The following VPS13D variants were observed in gnomAD, a reference collection of about 807,000 sequenced individuals.
The protein encoded by VPS13D is intermembrane lipid transfer protein VPS13D.
In VPS13D, 187 loss-of-function variants were observed where a neutral mutation model predicts 461.9. The observed-to-expected ratio is 0.40, with a 90% CI of 0.36 to 0.46. The LOEUF (loss-of-function observed/expected upper bound fraction) is 0.46, where lower values mean the gene tolerates loss of function less well. VPS13D is among the 20% of genes least tolerant of loss of function. The pLI, the probability that VPS13D is intolerant of heterozygous loss-of-function variation, is 0.60. For synonymous variants in VPS13D, 1,951 were observed against 1,986.3 expected (o/e 0.98, Z 0.47); for missense variants, 4,711 against 5,364.9 (o/e 0.88, Z 3.81).
chr1:12,381,816 C>G (rs1644275185), intron 57 of VPS13D, among the ~76,000 whole-genome samples: 1 of 152,246 alleles, frequency 6.6e-6, no homozygotes, highest in African/African-American at 2.4e-5. Flanking sequence ...TGCTGTGATT[C>G]TGGAGGCTGC....
intron 35 of VPS13D, among the ~76,000 whole-genome samples, chr1:12,326,460 C>A (rs918392853): frequency 1.3e-5 from 2 of 151,470 alleles, no homozygotes; most frequent in Admixed American, 6.6e-5. Flanking sequence ...ACCTAAGCCT[C>A]CTGAGTAGCT....
intron 2 of VPS13D, among the ~76,000 whole-genome samples, chr1:12,239,388 C>A (rs1253103560): frequency 6.6e-6 from 1 of 152,254 alleles, no homozygotes; most frequent in African/African-American, 2.4e-5. Context: ...ATCCTCCTGC[C>A]TTGGCCTCCC....
chr1:12,303,017 C>A (rs944291755), intron 25 of VPS13D, among the ~76,000 whole-genome samples: 2 of 152,026 alleles, frequency 1.3e-5, no homozygotes, highest in Non-Finnish European at 2.9e-5. Context: ...GTGAAGTTCA[C>A]CTCCCCATGC....
intron 55 of VPS13D, among the ~76,000 whole-genome samples, chr1:12,374,352 A>G (rs1314554311): frequency 2.0e-5 from 3 of 152,212 alleles, no homozygotes; most frequent in Non-Finnish European, 4.4e-5. Flanking sequence ...CCAAGTGTAG[A>G]AAGTTTGACA....
intron 68 of VPS13D, chr1:12,500,358 T>A: frequency 2.1e-6 from 1 of 470,736 alleles, no homozygotes; most frequent in Non-Finnish European, 2.8e-6. Context: ...AAGATGATGT[T>A]AAAGTAAAAT....
At chr1:12,343,507 A>T (rs1643613859) in intron 42 of VPS13D, among the ~76,000 whole-genome samples, 1 of 151,956 alleles carries the variant, frequency 6.6e-6, no homozygotes, top group Non-Finnish European at 1.5e-5. Flanking sequence ...TTTAAAAGAT[A>T]TTTCGTAAAT....
chr1:12,238,330 G>A (rs895570193), intron 2 of VPS13D, among the ~76,000 whole-genome samples: 1 of 150,128 alleles, frequency 6.7e-6, no homozygotes, highest in Non-Finnish European at 1.5e-5. Flanking sequence ...CCTGGCTACT[G>A]AGGAGGCTGA....
chr1:12,402,371 T>C (rs999108488), intron 62 of VPS13D, among the ~76,000 whole-genome samples: 2 of 152,204 alleles, frequency 1.3e-5, no homozygotes, highest in East Asian at 3.8e-4. Flanking sequence ...TGGCTGTGTA[T>C]ACAGCTTAGA....
chr1:12,303,131 T>G (rs1273690842), intron 25 of VPS13D, among the ~76,000 whole-genome samples: 1 of 152,258 alleles, frequency 6.6e-6, no homozygotes, highest in East Asian at 1.9e-4. Flanking sequence ...CATTTGCATG[T>G]GTGAGGTTTG....
intron 38 of VPS13D, among the ~76,000 whole-genome samples, chr1:12,335,374 A>G (rs1643426117): frequency 6.6e-6 from 1 of 152,146 alleles, no homozygotes; most frequent in Non-Finnish European, 1.5e-5. Flanking sequence ...GCCTCCATAT[A>G]AATTTTAGAT....
intron 67 of VPS13D, among the ~76,000 whole-genome samples, chr1:12,463,892 A>G (rs1645445369): frequency 6.6e-6 from 1 of 152,212 alleles, no homozygotes; most frequent in African/African-American, 2.4e-5. Flanking sequence ...AGTGGGGATA[A>G]ATTTATCTCT....
intron 62 of VPS13D, 48 bp from the exon 63 acceptor site, chr1:12,403,777 G>A (rs1211217254): frequency 2.6e-6 from 4 of 1,513,542 alleles, no homozygotes; most frequent in Non-Finnish European, 3.5e-6. Context: ...TGTGGATCAT[G>A]AGACTAAGAA....
chr1:12,456,253 C>G, intron 66 of VPS13D, 123 bp downstream of exon 66: 1 of 1,398,386 alleles, frequency 7.2e-7, no homozygotes, highest in Non-Finnish European at 9.4e-7. Context: ...CTTGTAATCC[C>G]AGCATTTTGG....
At position 12,478,861 on chromosome 1, in the gene VPS13D, A is replaced by G. The variant is rs1369898321; in HGVS notation, c.12662+18465A>G. 1.8e-5 allele frequency: 8 copies of G among 455,932 alleles called. No individual in the cohort carries two copies. In the East Asian group the frequency reaches 2.8e-4, roughly 16 times the overall value. 28.2% of individuals were successfully genotyped at this position (455,932 alleles called of 1,614,324 possible). ...ACCTGCCTGTCTCCAAGGAGGCCGC[A>G]TCGGTGGCAGAGGTGGGTCAGATGC... On this transcript the variant is annotated intron_variant, in intron 67 of 69. Coordinates refer to ENST00000620676, the MANE Select transcript of VPS13D (RefSeq NM_015378.4).
At chr1:12,289,920 A>T (rs558429116) in intron 22 of VPS13D, among the ~76,000 whole-genome samples, 8 of 152,246 alleles carry the variant, frequency 5.3e-5, no homozygotes, top group Admixed American at 5.2e-4. Flanking sequence ...TGGGCGACAG[A>T]GTGAGACCCT....
At chr1:12,401,846 G>A (rs1644585902) in intron 62 of VPS13D, 142 bp downstream of exon 62, 1 of 630,138 alleles carries the variant, frequency 1.6e-6, no homozygotes, top group African/African-American at 1.8e-5. Context: ...GCTAAGGCTT[G>A]TGTTTCAGTT....
intron 40 of VPS13D, among the ~76,000 whole-genome samples, chr1:12,338,601 A>C (rs1643501368): frequency 6.6e-6 from 1 of 152,190 alleles, no homozygotes; most frequent in African/African-American, 2.4e-5. Flanking sequence ...CTCATATTGA[A>C]GAGCAAGTGG....
Position 12,378,569 on chromosome 1 carries a change from C to T in VPS13D, c.11059C>T (p.Leu3687Phe). ...EGSAILDIAGLAAVTDNRYEP... is the reference protein window; with the variant it reads ...EGSAILDIAGFAAVTDNRYEP... ...GTCTGCCATCTTAGATATTGCTGGT[C>T]TCGCTGCAGTGACTGACAACAGGTA... Residue 3687 changes from leucine to phenylalanine, a missense_variant, in exon 56 of 70, where the codon CTC (leucine) becomes TTC (phenylalanine). Around this residue, in one of 3 missense-constraint regions of VPS13D, gnomAD observed 4,411 missense variants for 4,937.8 expected, o/e 0.89. Transcript: ENST00000620676. 3 of 1,590,876 alleles carry T rather than the reference C, an allele frequency of 1.9e-6. No individual in the cohort carries two copies. Among genetic ancestry groups the T allele is most frequent in the Non-Finnish European group, 2.6e-6 (3 of 1,169,064 alleles).
intron 65 of VPS13D, among the ~76,000 whole-genome samples, chr1:12,427,953 T>C (rs1557432455): frequency 6.6e-6 from 1 of 152,246 alleles, no homozygotes; most frequent in African/African-American, 2.4e-5. Context: ...TCATTAACCA[T>C]GCTGCTATTT....
Sources: allele counts gnomAD v4.1 joint callset (sites outside exome capture counted in the v4.1 genomes callset), GRCh38; gene constraint gnomAD v4.1.1; regional missense constraint gnomAD v4.1.1; transcripts MANE v1.5; gene names NCBI Gene and HGNC (gene_info 2026-07-23, HGNC 2026-07-21).